Variants in SENP1 observed in about 807,000 individuals in gnomAD.
SENP1 encodes the protein SUMO specific peptidase 1.
Under a neutral mutation model 93.0 loss-of-function variants are expected in SENP1, and 21 were observed. The observed-to-expected ratio is 0.23, with a 90% CI of 0.16 to 0.33. The LOEUF (loss-of-function observed/expected upper bound fraction) is 0.33. SENP1 is among the 10% of genes least tolerant of loss of function. The pLI is 1.00. For synonymous variants in SENP1, 256 were observed against 259.6 expected (o/e 0.99, Z 0.13); for missense variants, 591 against 758.7 (o/e 0.78, Z 2.60).
At chr12:48,069,481 T>C (rs764133157) in intron 9 of SENP1, among the ~76,000 whole-genome samples, 27 of 152,152 alleles carry the variant, frequency 1.8e-4, no homozygotes, top group Non-Finnish European at 3.1e-4. Flanking sequence ...TAGTCATCAC[T>C]AGGGGAAATC....
At chr12:48,090,601 G>T (rs1484417458) in intron 4 of SENP1, among the ~76,000 whole-genome samples, 1 of 152,094 alleles carries the variant, frequency 6.6e-6, no homozygotes. Context: ...TACTGTTTTT[G>T]TTTGTTTGTT....
At chr12:48,052,555 A>G (rs1350852847) in intron 13 of SENP1, among the ~76,000 whole-genome samples, 2 of 152,218 alleles carry the variant, frequency 1.3e-5, no homozygotes, top group Non-Finnish European at 2.9e-5. Flanking sequence ...TAACAGCAGC[A>G]TTTGAATAGT....
intron 5 of SENP1, chr12:48,085,563 G>A: frequency 2.1e-6 from 1 of 469,628 alleles, no homozygotes; most frequent in South Asian, 3.7e-5. Context: ...AAGAGGCTAG[G>A]TGAGGCGCTT....
intron 4 of SENP1, among the ~76,000 whole-genome samples, chr12:48,092,051 T>C (rs1029773015): frequency 2.0e-4 from 30 of 152,164 alleles, no homozygotes. Flanking sequence ...ACTCTAATCT[T>C]AAGTGGATTG....
At chr12:48,099,599 T>C (rs997710868) in intron 2 of SENP1, among the ~76,000 whole-genome samples, 17 of 152,028 alleles carry the variant, frequency 1.1e-4, no homozygotes, top group Non-Finnish European at 1.9e-4. Context: ...GCGGATCACT[T>C]ACTTGAGGCC....
intron 6 of SENP1, chr12:48,081,415 C>G (rs978175777): frequency 1.3e-5 from 2 of 151,572 alleles, no homozygotes; most frequent in African/African-American, 4.8e-5. Context: ...TGTGTAATGT[C>G]AAAAAAAATT....
intron 13 of SENP1, among the ~76,000 whole-genome samples, chr12:48,063,163 G>A (rs938475513): frequency 1.3e-5 from 2 of 152,134 alleles, no homozygotes; most frequent in African/African-American, 2.4e-5. Flanking sequence ...GGTGAAGACC[G>A]TAACTTCTCC....
intron 6 of SENP1, among the ~76,000 whole-genome samples, chr12:48,078,572 G>C (rs1368836742): frequency 6.6e-6 from 1 of 151,066 alleles, no homozygotes; most frequent in East Asian, 2.0e-4. Flanking sequence ...CCAGACTGGA[G>C]TGCAGTGGCG....
rs1450771401 is a variant in SENP1 at position 48,043,682 on chromosome 12, A to C, written c.*1640T>G. 1 of 152,618 alleles carries C rather than the reference A, an allele frequency of 6.6e-6. No homozygotes were observed. The highest frequency in any genetic ancestry group is 1.5e-5 in the Non-Finnish European group (1 of 68,028). 9.5% of individuals were successfully genotyped at this position (152,618 alleles called of 1,614,324 possible). ...GAGAGAGAAAAAACAAACACACAAA[A>C]GGTGGTCTTTCCCCAAAAGGCAGGC... On this transcript the variant is annotated 3_prime_UTR_variant, in exon 18 of 18. Coordinates refer to ENST00000549518, the MANE Select transcript of SENP1 (RefSeq NM_001267594.2).
chr12:48,063,531 T>G (rs887530480), intron 13 of SENP1, 179 bp downstream of exon 13: 19 of 521,492 alleles, frequency 3.6e-5, no homozygotes, highest in Non-Finnish European at 1.7e-5. Context: ...CTGAGATGTT[T>G]GTTAAAAATG....
chr12:48,068,776 A>G (rs1399521715), intron 9 of SENP1, among the ~76,000 whole-genome samples: 3 of 152,274 alleles, frequency 2.0e-5, no homozygotes, highest in Non-Finnish European at 4.4e-5. Context: ...AGGTAGAAGG[A>G]TGGAGGGAAA....
chr12:48,078,268 C>T (rs886352096), intron 6 of SENP1, among the ~76,000 whole-genome samples: 4 of 136,144 alleles, frequency 2.9e-5, no homozygotes, highest in African/African-American at 1.1e-4. Flanking sequence ...TTGTATCCTA[C>T]AACTATACTG....
intron 5 of SENP1, 71 bp downstream of exon 5, chr12:48,088,730 C>T: frequency 7.1e-7 from 1 of 1,402,474 alleles, no homozygotes; most frequent in South Asian, 1.3e-5. Flanking sequence ...AATGTAATAA[C>T]TATCTACCTT....
chr12:48,078,392 CACACATATAT>C (rs1944288994), intron 6 of SENP1, among the ~76,000 whole-genome samples: 1 of 146,002 alleles, frequency 6.8e-6, no homozygotes, highest in Non-Finnish European at 1.5e-5. Flanking sequence ...TACATATACA[CACACATATAT>C]ACACATATAT....
At chr12:48,090,472 G>C (rs1945146511) in intron 4 of SENP1, among the ~76,000 whole-genome samples, 2 of 152,226 alleles carry the variant, frequency 1.3e-5, no homozygotes, top group Non-Finnish European at 2.9e-5. Context: ...AAAAGCAGAA[G>C]ATCAGGCAGT....
intron 5 of SENP1, among the ~76,000 whole-genome samples, chr12:48,085,841 T>A (rs1186991307): frequency 6.6e-6 from 1 of 152,074 alleles, no homozygotes. Flanking sequence ...AGTGCAATTG[T>A]TTGGTAAAGA....
Position 48,043,955 on chromosome 12 carries a change from A to G in SENP1, c.*1367T>C, listed in dbSNP as rs1941172961. Reference sequence around the variant, plus strand: ...CATACAAAACTACCTATTACAATACAGAAAAAAGTATAAAATGTTCCTACT... The same window carrying G: ...CATACAAAACTACCTATTACAATACGGAAAAAAGTATAAAATGTTCCTACT... On this transcript the variant is annotated 3_prime_UTR_variant, in exon 18 of 18. Transcript: ENST00000549518. 1 of 152,570 alleles carries G rather than the reference A, an allele frequency of 6.6e-6. No homozygotes were observed. Among genetic ancestry groups the G allele is most frequent in the South Asian group, 2.1e-4 (1 of 4,834 alleles). The allele number at this position is 152,570 out of a possible 1,614,324, so 9.5% of individuals were successfully genotyped here. A position where few individuals can be genotyped will look rare whatever the true frequency, so the allele number is the denominator to read the frequency against.
At chr12:48,057,226 TA>T (rs1942604833) in intron 13 of SENP1, among the ~76,000 whole-genome samples, 1 of 101,122 alleles carries the variant, frequency 9.9e-6, no homozygotes, top group Non-Finnish European at 2.0e-5. Flanking sequence ...ATATAAAAAA[TA>T]CATTATATAT....
At chr12:48,053,662 C>T (rs1161255843) in intron 13 of SENP1, among the ~76,000 whole-genome samples, 1 of 152,060 alleles carries the variant, frequency 6.6e-6, no homozygotes, top group African/African-American at 2.4e-5. Context: ...TGCTGAATAG[C>T]TGAGAGATAT....
Sources: allele counts gnomAD v4.1 joint callset (sites outside exome capture counted in the v4.1 genomes callset), GRCh38; gene constraint gnomAD v4.1.1; transcripts MANE v1.5; gene names NCBI Gene and HGNC (gene_info 2026-07-23, HGNC 2026-07-21).